Variants in NOM1 observed in about 807,000 individuals in gnomAD.
NOM1 encodes the protein nucleolar protein with MIF4G domain 1, also known as nucleolar MIF4G domain-containing protein 1.
NOM1 carries 58 observed loss-of-function variants against 73.3 expected under a neutral mutation model. The observed-to-expected ratio is 0.79, with a 90% CI of 0.64 to 0.99. The LOEUF is 0.99. NOM1 is among the 50% of genes least tolerant of loss of function. NOM1 has a pLI of 0.00. For missense variants in NOM1, 1,226 were observed against 1,131.9 expected, an observed-to-expected ratio of 1.08 and a Z score of -1.19; for synonymous variants, 487 against 446.8, an observed-to-expected ratio of 1.09 and a Z score of -1.14.
In NOM1 at chr7:156,950,397, G is replaced by A. The variant is rs766087692; in HGVS notation, c.660G>A (p.Leu220=). The change falls in exon 1 of 11, where the codon CTG becomes CTA. Residue 220 remains leucine, a synonymous_variant. Coordinates refer to ENST00000275820, the MANE Select transcript of NOM1 (RefSeq NM_138400.2). ...SFARDGLDYI[L]GALESGKNSG... is the part of the protein sequence containing the mutation. Reference sequence around the variant, plus strand: ...CACGCGACGGTCTTGACTATATTCTGGGAGCCCTGGAGTCTGGGAAAAATA... The same window carrying A: ...CACGCGACGGTCTTGACTATATTCTAGGAGCCCTGGAGTCTGGGAAAAATA... The A allele has an allele frequency of 6.2e-7, 1 of 1,614,246 alleles. No homozygotes were observed. Among genetic ancestry groups the A allele is most frequent in the Admixed American group, 1.7e-5 (1 of 60,026 alleles).
intron 10 of NOM1, 139 bp from the exon 11 acceptor site, chr7:156,969,390 A>G: frequency 1.2e-6 from 1 of 813,414 alleles, no homozygotes; most frequent in East Asian, 2.7e-5. Flanking sequence ...TGTTAATAAT[A>G]AAATATGTTA....
rs557224611 is a variant in NOM1, at chr7:156,963,046, C to T, written c.1782C>T (p.Arg594=). Residue 594 remains arginine, a synonymous_variant, in exon 6 of 11, where the codon CGC becomes CGT. Coordinates refer to ENST00000275820, the MANE Select transcript of NOM1 (RefSeq NM_138400.2). The stretch of plus-strand genomic sequence containing the variant: ...GCTCAGGTTCTGAGACGCAGCTTCG[C>T]GTCTCCTGGGACAGTGTCTTGAGTG... ...NAGSGSETQL[R]VSWDSVLSAE... 23 of 1,613,750 alleles carry T rather than the reference C, an allele frequency of 1.4e-5. No homozygotes were observed. The highest frequency in any genetic ancestry group is 1.1e-4 in the African/African-American group (8 of 75,064).
chr7:156,950,598 A>C lies in NOM1; in HGVS notation c.861A>C (p.Thr287=). The change falls in exon 1 of 11, where the codon ACA becomes ACC. Residue 287 remains threonine, a synonymous_variant. Transcript: ENST00000275820. ...AGAGCGAGGACGACGACGAGGATAC[A>C]GAAGAGGAACAGGGGGAAGAAAAGG... ...EAQSEDDDED[T]EEEQGEEKEK... 1 of 1,583,370 alleles carries C rather than the reference A, an allele frequency of 6.3e-7. No individual in the cohort carries two copies. Among genetic ancestry groups the C allele is most frequent in the Non-Finnish European group, 8.6e-7 (1 of 1,164,248 alleles).
At chr7:156,967,714 G>A (rs1450990277) in intron 9 of NOM1, among the ~76,000 whole-genome samples, 1 of 152,100 alleles carries the variant, frequency 6.6e-6, no homozygotes, top group Non-Finnish European at 1.5e-5. Context: ...TAATAGAGAC[G>A]GGATTTCACC....
Position 156,950,676 on chromosome 7 carries a change from T to C in NOM1, c.939T>C (p.Asp313=), listed in dbSNP as rs957045163. 4 of 1,551,768 alleles carry C rather than the reference T, an allele frequency of 2.6e-6. No individual in the cohort carries two copies. In the Admixed American group the frequency reaches 7.8e-5, roughly 30 times the overall value. ...RRGKRVRFAE[D]EEKSENSSED... ...GGAAGAGAGTCCGTTTTGCAGAAGA[T>C]GAAGAAAAGAGTGAAAATTCCTCGG... is the stretch of plus-strand genomic sequence containing the variant. The change falls in exon 1 of 11, where the codon GAT becomes GAC. Residue 313 remains aspartate (D), a synonymous_variant. Transcript: ENST00000275820.
chr7:156,969,315 T>G, intron 10 of NOM1, 119 bp downstream of exon 10: 1 of 756,810 alleles, frequency 1.3e-6, no homozygotes, highest in Non-Finnish European at 2.2e-6. Flanking sequence ...TTCGGTTTTA[T>G]TTTTAAGCTG....
intron 5 of NOM1, 58 bp from the exon 6 acceptor site, chr7:156,962,950 G>A: frequency 1.9e-6 from 3 of 1,551,328 alleles, no homozygotes; most frequent in Non-Finnish European, 2.6e-6. Flanking sequence ...CACCGGTGAT[G>A]GAAGGACGGA....
intron 7 of NOM1, chr7:156,964,231 C>T: frequency 2.8e-6 from 1 of 357,050 alleles, no homozygotes; most frequent in East Asian, 4.7e-5. Flanking sequence ...AGTAGTTCCT[C>T]ATTAGAACAT....
rs540622203 is a variant in NOM1, at chr7:156,950,514, T to TGAG, written c.791_793dup (p.Glu264dup). The TGAG allele has an allele frequency of 2.9e-5, 46 of 1,610,304 alleles. No homozygotes were observed. The highest frequency in any genetic ancestry group is 1.1e-4 in the East Asian group (5 of 44,768). On this transcript the variant is annotated inframe_insertion, in exon 1 of 11. Transcript: ENST00000275820. ...TAGAGAGTGACTCCCAGGACGAAAG[T>TGAG]GAGGAGGAGGAGGAGGGAGACGTAG...
chr7:156,965,201 CTG>C (rs1804965007), intron 7 of NOM1, among the ~76,000 whole-genome samples: 1 of 152,232 alleles, frequency 6.6e-6, no homozygotes, highest in Non-Finnish European at 1.5e-5. Context: ...GTGTCTGCCT[CTG>C]TGCAGAGGTG....
Position 156,969,916 on chromosome 7 carries a change from G to T in NOM1, c.*213G>T, listed in dbSNP as rs1046882285. On this transcript the variant is annotated 3_prime_UTR_variant, in exon 11 of 11. Coordinates refer to ENST00000275820, the MANE Select transcript of NOM1 (RefSeq NM_138400.2). Reference sequence around the variant, plus strand: ...TATCTTGGGGGTGAGAGGAGAAGGAGGGAGGGAAAAGGGGTCAGGCACACT... The same window carrying T: ...TATCTTGGGGGTGAGAGGAGAAGGATGGAGGGAAAAGGGGTCAGGCACACT... The T allele has an allele frequency of 1.4e-5, 6 of 424,838 alleles. No homozygotes were observed. Among genetic ancestry groups the T allele is most frequent in the African/African-American group, 1.0e-4 (5 of 48,716 alleles). 26.3% of individuals were successfully genotyped at this position (424,838 alleles called of 1,614,324 possible).
At chr7:156,968,526 G>A (rs1181882891) in intron 9 of NOM1, among the ~76,000 whole-genome samples, 2 of 152,056 alleles carry the variant, frequency 1.3e-5, no homozygotes, top group African/African-American at 4.8e-5. Flanking sequence ...ATTGCAGTGG[G>A]TCCACGTTGG....
Position 156,950,152 on chromosome 7 carries a change from T to A in NOM1, c.415T>A (p.Ser139Thr), listed in dbSNP as rs778779460. The change falls in exon 1 of 11, where the codon TCG (serine) becomes ACG (threonine). Residue 139 changes from serine (S) to threonine (T), a missense_variant. By Grantham distance (58) the Ser-to-Thr change is moderately conservative. Coordinates refer to ENST00000275820, the MANE Select transcript of NOM1 (RefSeq NM_138400.2). ...CCGCCCAGCCCCTAGTCGGGACCCC[T>A]CGCCTCCCAGGAAGCCGCGGCCGTC... ...RARPAPSRDPSPPRKPRPSRV... is the reference protein window; with the variant it reads ...RARPAPSRDPTPPRKPRPSRV... The A allele has an allele frequency of 8.8e-6, 14 of 1,586,308 alleles. No homozygotes were observed. In the African/African-American group the frequency reaches 1.8e-4, roughly 20 times the overall value.
At chr7:156,954,360 G>T in intron 3 of NOM1, 62 bp downstream of exon 3, 1 of 1,404,146 alleles carries the variant, frequency 7.1e-7, no homozygotes, top group Non-Finnish European at 9.6e-7. Flanking sequence ...TTTAATGATA[G>T]GCTTGATAAG....
In NOM1 at chr7:156,954,228, C is replaced by G; in HGVS notation, c.1238C>G (p.Ala413Gly). Residue 413 changes from alanine to glycine, a missense_variant, in exon 3 of 11, where the codon GCC becomes GGC. Transcript: ENST00000275820. ...ATGGGTGCCTGCGTCACTGCCTCGG[C>G]CATGCCCAGCAGACTGATGATGGAG... is the stretch of plus-strand genomic sequence containing the variant. The part of the protein sequence containing the change: ...ALMGACVTAS[A>G]MPSRLMMEHV... 2 of 1,613,294 alleles carry G rather than the reference C, an allele frequency of 1.2e-6. No individual in the cohort carries two copies. The highest frequency in any genetic ancestry group is 1.7e-4 in the Middle Eastern group (1 of 6,058).
chr7:156,967,241 A>C, intron 9 of NOM1, 149 bp downstream of exon 9: 2 of 921,594 alleles, frequency 2.2e-6, no homozygotes. Context: ...CAGGACAGAA[A>C]ACGGCCAGAC....
In NOM1 at chr7:156,957,774, CAAAAAAAAAAAAA is replaced by C. The variant is rs10549596; in HGVS notation, c.1309-2063_1309-2051del. 6.9e-5 allele frequency among the ~76,000 whole-genome samples: 8 copies of C among 115,568 alleles called. No homozygotes were observed. In the East Asian group the frequency reaches 1.0e-3, roughly 14 times the overall value. 75.8% of individuals were successfully genotyped at this position (115,568 alleles called of 152,430 possible). On this transcript the variant is annotated intron_variant, in intron 3 of 10. Coordinates refer to ENST00000275820, the MANE Select transcript of NOM1 (RefSeq NM_138400.2). ...TGGGCGACAGAGCGAGACTCCGTCTCAAAAAAAAAAAAAAAAAAAAAAAAAAGAAAAAGAAAAT... is the reference window on the plus strand; with the variant it reads ...TGGGCGACAGAGCGAGACTCCGTCTCAAAAAAAAAAAAAGAAAAAGAAAAT...
chr7:156,968,942 C>G (rs1460096360), intron 9 of NOM1, 145 bp from the exon 10 acceptor site: 2 of 610,788 alleles, frequency 3.3e-6, no homozygotes, highest in African/African-American at 3.8e-5. Context: ...GTGTTCATTT[C>G]TTAGCTCTGG....
intron 3 of NOM1, chr7:156,958,732 A>T (rs1586569170): frequency 6.6e-6 from 1 of 152,314 alleles, no homozygotes; most frequent in Non-Finnish European, 1.5e-5. Flanking sequence ...GAGAACACTT[A>T]GGCCTTGCTT....
Sources: gnomAD v4.1 joint callset for allele counts (sites outside exome capture counted in the v4.1 genomes callset) on GRCh38, gnomAD v4.1.1 for gene constraint, MANE v1.5 for transcripts, NCBI Gene and HGNC (gene_info 2026-07-23, HGNC 2026-07-21) for gene names.